Variants in CFAP74 observed in about 807,000 individuals in gnomAD.
CFAP74 encodes the protein cilia- and flagella-associated protein 74.
Under a neutral mutation model 188.9 loss-of-function variants are expected in CFAP74, and 124 were observed. The ratio of observed to expected loss-of-function variants is 0.66; its 90% CI spans 0.57 to 0.76. The LOEUF is 0.76. Ranked by LOEUF, CFAP74 falls within the 30% of genes least tolerant of loss-of-function variation. The pLI, the probability that CFAP74 is intolerant of heterozygous loss-of-function variation, is 0.00. For missense variants in CFAP74, 2,198 were observed against 2,165.2 expected (o/e 1.02, Z -0.30); for synonymous variants, 956 against 916.7 (o/e 1.04, Z -0.77).
At chr1:1,967,337 C>T (rs1376031500) in intron 11 of CFAP74, among the ~76,000 whole-genome samples, 2 of 151,088 alleles carry the variant, frequency 1.3e-5, no homozygotes, top group African/African-American at 2.4e-5. Context: ...TCCTATGGAG[C>T]GACAGACAGG....
intron 6 of CFAP74, among the ~76,000 whole-genome samples, 187 bp from the exon 7 acceptor site, chr1:1,974,385 A>G (rs987395024): frequency 2.6e-5 from 4 of 152,074 alleles, no homozygotes; most frequent in Non-Finnish European, 5.9e-5. Flanking sequence ...CCTGCCTCCA[A>G]CCTCAGGAAA....
Position 1,968,861 on chromosome 1 carries a change from G to T in CFAP74, c.1047-28C>A. On this transcript the variant is annotated intron_variant, in intron 10 of 38. Transcript: ENST00000682832. This position sits in a 1 kb window ranked among gnomAD's most constrained non-coding sequence, Gnocchi z 4.3. ...GCGTGGAGTCGCTTCTCAGATGAGT[G>T]CAAGAGGTCCCCTGCCTCCACCTTG... 6.2e-7 allele frequency: 1 copy of T among 1,607,992 alleles called. No homozygotes were observed. Among genetic ancestry groups the T allele is most frequent in the Non-Finnish European group, 8.5e-7 (1 of 1,176,358 alleles).
chr1:1,928,709 C>T, intron 27 of CFAP74, 75 bp downstream of exon 27: 1 of 1,147,966 alleles, frequency 8.7e-7, no homozygotes. Flanking sequence ...CCCCCCAGGA[C>T]TCGAAGGCGG....
At position 1,988,660 on chromosome 1, in the gene CFAP74, G is replaced by C. The variant is rs4492555; in HGVS notation, c.153-5C>G. 4 of 1,605,484 alleles carry C rather than the reference G, an allele frequency of 2.5e-6. No homozygotes were observed. The highest frequency in any genetic ancestry group is 1.1e-5 in the South Asian group (1 of 91,040). On this transcript the variant is annotated splice_polypyrimidine_tract_variant and splice_region_variant and intron_variant, in intron 3 of 38. Coordinates refer to ENST00000682832, the MANE Select transcript of CFAP74 (RefSeq NM_001304360.2). ...GTATCTAGTTCTTTCACTGAGCTTA[G>C]GATGAAAAGGACGTCAGCTGCCACC...
rs760476791 is a variant in CFAP74 at position 1,928,934 on chromosome 1, C to T, written c.3289-52G>A. Reference sequence around the variant, plus strand: ...GGGTTGCCACTTCCCTCCACCTCCCCGGAGCCCCTGCGGGCACTCTACCGT... The same window carrying T: ...GGGTTGCCACTTCCCTCCACCTCCCTGGAGCCCCTGCGGGCACTCTACCGT... On this transcript the variant is annotated intron_variant, in intron 26 of 38. Transcript: ENST00000682832. 1.2e-4 allele frequency: 156 copies of T among 1,311,416 alleles called. 2 individuals are homozygous for T. Among genetic ancestry groups the T allele is most frequent in the South Asian group, 3.4e-4 (27 of 78,284 alleles). The allele number at this position is 1,311,416 out of a possible 1,614,324, so 81.2% of individuals were successfully genotyped here.
In CFAP74 at chr1:1,973,762, T is replaced by C. The variant is rs1004906834; in HGVS notation, c.674+263A>G. Among the ~76,000 whole-genome samples the C allele has an allele frequency of 6.6e-6, 1 of 151,808 alleles. No homozygotes were observed. Among genetic ancestry groups the C allele is most frequent in the Non-Finnish European group, 1.5e-5 (1 of 67,926 alleles). On this transcript the variant is annotated intron_variant, in intron 7 of 38. Transcript: ENST00000682832. The surrounding 1 kb of genome is among the most constrained non-coding windows in gnomAD (Gnocchi z 6.2). ...GGGCAGTCTTGCTGGAGCGTGGCTT[T>C]AGTAGCCAGCTTTAGCGGCTGTATG...
At chr1:1,951,410 A>G (rs1258212715) in intron 18 of CFAP74, among the ~76,000 whole-genome samples, 1 of 152,142 alleles carries the variant, frequency 6.6e-6, no homozygotes, top group Non-Finnish European at 1.5e-5. Flanking sequence ...TGTTGAAAAG[A>G]CTGTTCTTTC....
chr1:1,996,920 C>CAAAAAAAAAAAAAAA (rs200261557), intron 1 of CFAP74, among the ~76,000 whole-genome samples: 3 of 84,616 alleles, frequency 3.5e-5, no homozygotes, highest in Non-Finnish European at 4.7e-5. Flanking sequence ...GACTCTGTCT[C>CAAAAAAAAAAAAAAA]AAAAAAAAAA....
At chr1:1,960,657 G>A (rs1655014836) in intron 14 of CFAP74, among the ~76,000 whole-genome samples, 1 of 152,234 alleles carries the variant, frequency 6.6e-6, no homozygotes, top group Non-Finnish European at 1.5e-5. Flanking sequence ...GTTTAGAAAT[G>A]CACAAGCTAA....
At chr1:1,930,599 T>C (rs1460515236) in intron 25 of CFAP74, among the ~76,000 whole-genome samples, 1 of 152,180 alleles carries the variant, frequency 6.6e-6, no homozygotes, top group Non-Finnish European at 1.5e-5. Context: ...TCTGTTGCCC[T>C]AGGCTGGAGT....
chr1:1,957,081 C>T (rs1378869695), intron 16 of CFAP74, among the ~76,000 whole-genome samples: 2 of 152,232 alleles, frequency 1.3e-5, no homozygotes, highest in African/African-American at 4.8e-5. Flanking sequence ...AGCCTGGACA[C>T]GGGGCTTTGG....
In CFAP74 at chr1:1,973,117, G is replaced by T. The variant is rs993535344; in HGVS notation, c.675-70C>A. The T allele has an allele frequency of 8.7e-7, 1 of 1,144,316 alleles. No individual in the cohort carries two copies. Among genetic ancestry groups the T allele is most frequent in the East Asian group, 2.5e-5 (1 of 39,438 alleles). 70.9% of individuals were successfully genotyped at this position (1,144,316 alleles called of 1,614,324 possible). On this transcript the variant is annotated intron_variant, in intron 7 of 38. Coordinates refer to ENST00000682832, the MANE Select transcript of CFAP74 (RefSeq NM_001304360.2). The surrounding 1 kb of genome is among the most constrained non-coding windows in gnomAD (Gnocchi z 6.2). ...TCCCATCTGCCCCCAAGCCCTGCAC[G>T]GCTGGAGCTCGTGTCCCAGAGACGC... is the stretch of plus-strand genomic sequence containing the variant.
At position 1,922,180 on chromosome 1, in the gene CFAP74, G is replaced by GT; in HGVS notation, c.*106_*107insA. ...GTGGAGGGCGGCCTATTGGAATCTG[G>GT]CAGAGGATGGCCAGGTCCCAGGCTC... On this transcript the variant is annotated 3_prime_UTR_variant, in exon 39 of 39. Coordinates refer to ENST00000682832, the MANE Select transcript of CFAP74 (RefSeq NM_001304360.2). The GT allele has an allele frequency of 1.7e-6, 1 of 590,600 alleles. No homozygotes were observed. The highest frequency in any genetic ancestry group is 2.8e-6 in the Non-Finnish European group (1 of 351,776). The allele number at this position is 590,600 out of a possible 1,614,324, so 36.6% of individuals were successfully genotyped here. A position where few individuals can be genotyped will look rare whatever the true frequency, so the allele number is the denominator to read the frequency against.
chr1:1,965,923 A>G (rs1218494169), intron 12 of CFAP74, among the ~76,000 whole-genome samples: 3 of 152,242 alleles, frequency 2.0e-5, no homozygotes, highest in Non-Finnish European at 4.4e-5. Context: ...GTCTTGCTGT[A>G]ACTGCTCTTT....
In CFAP74 at chr1:1,988,873, C is replaced by T. The variant is rs773523485; in HGVS notation, c.152+16G>A. 13 of 1,219,454 alleles carry T rather than the reference C, an allele frequency of 1.1e-5. No individual in the cohort carries two copies. Among genetic ancestry groups the T allele is most frequent in the Non-Finnish European group, 1.5e-5 (13 of 860,226 alleles). The allele number at this position is 1,219,454 out of a possible 1,614,324, so 75.5% of individuals were successfully genotyped here. On this transcript the variant is annotated intron_variant, in intron 3 of 38. Transcript: ENST00000682832. ...ACCCCCCCACACCCACCTCCACCCCCGATCCTCCGAGTTACCTGCTGTGTC... is the reference window on the plus strand; with the variant it reads ...ACCCCCCCACACCCACCTCCACCCCTGATCCTCCGAGTTACCTGCTGTGTC...
intron 1 of CFAP74, among the ~76,000 whole-genome samples, chr1:1,992,582 T>C (rs968520909): frequency 6.6e-6 from 1 of 151,848 alleles, no homozygotes; most frequent in African/African-American, 2.4e-5. Context: ...CACGCCCCTC[T>C]CCTGTCTCAG....
Position 1,948,412 on chromosome 1 carries a change from A to AATAC in CFAP74, c.2177-1359_2177-1358insGTAT, listed in dbSNP as rs1553223671. ...CATGCAGCCATGCTTGGCATATATAAATATATATATATATATTTATGTGTA... is the reference window on the plus strand; with the variant it reads ...CATGCAGCCATGCTTGGCATATATAAATACATATATATATATATATTTATGTGTA... On this transcript the variant is annotated intron_variant, in intron 18 of 38. Transcript: ENST00000682832. Among the ~76,000 whole-genome samples the AATAC allele has an allele frequency of 6.1e-3, 883 of 144,404 alleles. 19 individuals are homozygous for AATAC. The highest frequency in any genetic ancestry group is 0.022 in the African/African-American group (853 of 38,948). The allele number at this position is 144,404 out of a possible 152,430, so 94.7% of individuals were successfully genotyped here.
At position 1,928,793 on chromosome 1, in the gene CFAP74, C is replaced by T. The variant is rs1327005997; in HGVS notation, c.3378G>A (p.Glu1126=). ...EALPLLNKEM[E]TKSFRKNMAP... ...CCCGGGCCCCACGCACAGATTTGGT[C>T]TCCATTTCTTTGTTCAGGAGTGGGA... The change falls in exon 27 of 39, where the codon GAG becomes GAA. Residue 1126 remains glutamate (E), a synonymous_variant. Coordinates refer to ENST00000682832, the MANE Select transcript of CFAP74 (RefSeq NM_001304360.2). 6.5e-7 allele frequency: 1 copy of T among 1,535,608 alleles called. No individual in the cohort carries two copies. Among genetic ancestry groups the T allele is most frequent in the South Asian group, 1.2e-5 (1 of 84,046 alleles).
chr1:1,963,707 G>T, intron 14 of CFAP74, 42 bp downstream of exon 14: 2 of 1,309,758 alleles, frequency 1.5e-6, no homozygotes, highest in Non-Finnish European at 2.2e-6. Context: ...ACCTCCTGCT[G>T]TCCCTGCACC....
Sources: allele counts gnomAD v4.1 joint callset (sites outside exome capture counted in the v4.1 genomes callset), GRCh38; gene constraint gnomAD v4.1.1; non-coding constraint Gnocchi (gnomAD v3.1); transcripts MANE v1.5; gene names NCBI Gene and HGNC (gene_info 2026-07-23, HGNC 2026-07-21).